SMG9: variants seen among roughly 807,000 people sequenced by gnomAD.
The protein encoded by SMG9 is nonsense-mediated mRNA decay factor SMG9.
A neutral mutation model predicts 64.0 loss-of-function variants in SMG9; 55 were observed. That is an observed-to-expected ratio of 0.86 (90% confidence interval 0.69 to 1.08). SMG9 has a LOEUF of 1.08. SMG9 is among the 50% of genes least tolerant of loss of function. SMG9 has a pLI of 0.00. For synonymous variants in SMG9, 244 were observed against 254.8 expected (o/e 0.96, Z 0.41); for missense variants, 554 against 681.3 (o/e 0.81, Z 2.08).
At chr19:43,747,931 C>A (rs1419846589) in intron 3 of SMG9, 34 bp from the exon 4 acceptor site, 1 of 1,614,096 alleles carries the variant, frequency 6.2e-7, no homozygotes, top group Non-Finnish European at 8.5e-7. Flanking sequence ...TCAATGGGGG[C>A]AATCCCTTCC....
chr19:43,738,276 C>A, intron 7 of SMG9, 59 bp from the exon 8 acceptor site: 1 of 1,434,970 alleles, frequency 7.0e-7, no homozygotes, highest in South Asian at 1.1e-5. Flanking sequence ...ACGCTCAAGG[C>A]AAATACATTG....
At chr19:43,740,827 G>A (rs932008207) in intron 6 of SMG9, among the ~76,000 whole-genome samples, 1 of 152,128 alleles carries the variant, frequency 6.6e-6, no homozygotes, top group African/African-American at 2.4e-5. Context: ...TACGTGTGCT[G>A]GGTGCTGGGA....
intron 1 of SMG9, among the ~76,000 whole-genome samples, chr19:43,751,755 C>T (rs1265491368): frequency 1.3e-5 from 2 of 152,182 alleles, no homozygotes; most frequent in Non-Finnish European, 2.9e-5. Context: ...AAGCAGCTAT[C>T]CTGGGCTGTA....
In SMG9 at chr19:43,748,007, TG is replaced by T; in HGVS notation, c.195del (p.Ile66SerfsTer36). On this transcript the variant is annotated frameshift_variant, in exon 3 of 14. Transcript: ENST00000270066. LOFTEE classifies it high-confidence loss of function. Reference protein sequence around the residue: ...ETSTSVMQKTPIILSKPPAER... With the variant: ...ETSTSVMQKTXIILSKPPAER... Reference sequence around the variant, plus strand: ...TCTGCTGGAGGTTTTGAGAGGATGATGGGGGTTTTCTGCATGACGGAAGTGC... The same window carrying T: ...TCTGCTGGAGGTTTTGAGAGGATGATGGGGTTTTCTGCATGACGGAAGTGC... The T allele has an allele frequency of 3.1e-6, 5 of 1,613,804 alleles. No individual in the cohort carries two copies. The highest frequency in any genetic ancestry group is 1.3e-5 in the African/African-American group (1 of 75,020).
intron 12 of SMG9, 75 bp from the exon 13 acceptor site, chr19:43,733,077 T>G: frequency 6.6e-7 from 1 of 1,512,768 alleles, no homozygotes; most frequent in Non-Finnish European, 8.9e-7. Flanking sequence ...CATCCTGGGC[T>G]TCAAGGAGCA....
intron 12 of SMG9, 65 bp from the exon 13 acceptor site, chr19:43,733,067 C>A: frequency 6.5e-7 from 1 of 1,532,046 alleles, no homozygotes; most frequent in Non-Finnish European, 8.8e-7. Context: ...CAGTTAACAG[C>A]ATCCTGGGCT....
At chr19:43,748,643 T>C (rs1243527040) in intron 2 of SMG9, 3 of 519,870 alleles carry the variant, frequency 5.8e-6, no homozygotes, top group Non-Finnish European at 7.7e-6. Flanking sequence ...GGCAGGCTGA[T>C]CCCAAGCCTT....
chr19:43,749,861 T>C (rs1969139850), intron 2 of SMG9, among the ~76,000 whole-genome samples: 1 of 152,230 alleles, frequency 6.6e-6, no homozygotes, highest in Non-Finnish European at 1.5e-5. Flanking sequence ...ATCTGAGTCC[T>C]GGACCCAAAG....
At chr19:43,739,175 C>A (rs1246659202) in intron 7 of SMG9, among the ~76,000 whole-genome samples, 1 of 152,216 alleles carries the variant, frequency 6.6e-6, no homozygotes. Context: ...GGAGGCCACA[C>A]CCCAGTGGAG....
intron 10 of SMG9, chr19:43,733,948 G>C: frequency 1.7e-6 from 1 of 588,840 alleles, no homozygotes; most frequent in Non-Finnish European, 3.0e-6. Context: ...GTCTCTTTGA[G>C]GCCCTAGCGA....
intron 6 of SMG9, among the ~76,000 whole-genome samples, chr19:43,744,110 G>A (rs568464257): frequency 4.6e-5 from 7 of 152,092 alleles, no homozygotes; most frequent in Admixed American, 2.0e-4. Context: ...ACCTGCTCCT[G>A]TGCCCTTATG....
rs1968480885 is a variant in SMG9, at chr19:43,731,438, G to A, written c.*158C>T. 1 of 1,444,838 alleles carries A rather than the reference G, an allele frequency of 6.9e-7. No homozygotes were observed. The highest frequency in any genetic ancestry group is 1.4e-5 in the African/African-American group (1 of 69,624). The allele number at this position is 1,444,838 out of a possible 1,614,324, so 89.5% of individuals were successfully genotyped here. ...AGCCCCAACTGAGGGTGGGGGGCCTGGCCCTGGACACCTCATGTCTCTGGG... is the reference window on the plus strand; with the variant it reads ...AGCCCCAACTGAGGGTGGGGGGCCTAGCCCTGGACACCTCATGTCTCTGGG... On this transcript the variant is annotated 3_prime_UTR_variant, in exon 14 of 14. Coordinates refer to ENST00000270066, the MANE Select transcript of SMG9 (RefSeq NM_019108.4).
At chr19:43,751,807 T>TG (rs1229013248) in intron 1 of SMG9, among the ~76,000 whole-genome samples, 7 of 152,148 alleles carry the variant, frequency 4.6e-5, no homozygotes, top group Non-Finnish European at 5.9e-5. Flanking sequence ...GACACAAGGT[T>TG]GGGGGGTTCC....
At chr19:43,748,106 C>A (rs1599657831) in intron 2 of SMG9, 54 bp from the exon 3 acceptor site, 1 of 1,551,386 alleles carries the variant, frequency 6.4e-7, no homozygotes, top group East Asian at 2.3e-5. Context: ...CATTCCAGAT[C>A]TTTATGTACC....
chr19:43,750,159 C>T (rs373503199), intron 2 of SMG9: 35 of 522,284 alleles, frequency 6.7e-5, no homozygotes, highest in African/African-American at 6.0e-4. Context: ...AAGTTCTTTC[C>T]AAGGCCTACC....
intron 6 of SMG9, among the ~76,000 whole-genome samples, chr19:43,743,484 G>C (rs946257878): frequency 2.0e-5 from 3 of 152,158 alleles, no homozygotes; most frequent in Admixed American, 1.3e-4. Context: ...AGAAAAGCCT[G>C]ACTGCAAATG....
At chr19:43,746,375 C>T (rs1768778776) in intron 5 of SMG9, among the ~76,000 whole-genome samples, 1 of 152,194 alleles carries the variant, frequency 6.6e-6, no homozygotes, top group Non-Finnish European at 1.5e-5. Flanking sequence ...CTGGGGATAG[C>T]GGCTACCATA....
intron 9 of SMG9, among the ~76,000 whole-genome samples, chr19:43,735,303 A>T (rs1267662991): frequency 6.6e-6 from 1 of 152,166 alleles, no homozygotes; most frequent in Non-Finnish European, 1.5e-5. Context: ...AAGTTTTGGC[A>T]ATTATGGATA....
chr19:43,746,347 A>G (rs1969003259), intron 5 of SMG9, among the ~76,000 whole-genome samples: 1 of 152,230 alleles, frequency 6.6e-6, no homozygotes, highest in African/African-American at 2.4e-5. Context: ...CCACATTTCA[A>G]GTGCTCTAAA....
Sources: allele counts gnomAD v4.1 joint callset (sites outside exome capture counted in the v4.1 genomes callset), GRCh38; gene constraint gnomAD v4.1.1; transcripts MANE v1.5; gene names NCBI Gene and HGNC (gene_info 2026-07-23, HGNC 2026-07-21).